POLG: variants seen among roughly 807,000 people sequenced by gnomAD.
The protein encoded by POLG is DNA polymerase subunit gamma-1.
A neutral mutation model predicts 155.4 loss-of-function variants in POLG; 110 were observed. The observed-to-expected ratio is 0.71, with a 90% CI of 0.61 to 0.83. POLG has a LOEUF of 0.83. POLG is among the 40% of genes least tolerant of loss of function. The probability of loss-of-function intolerance (pLI) is 0.00; values close to 1 mark genes in which losing one functional copy is unlikely to be tolerated. For missense variants in POLG, 1,685 were observed against 1,627.5 expected (o/e 1.04, Z -0.61); for synonymous variants, 701 against 631.5 (o/e 1.11, Z -1.65).
intron 6 of POLG, 120 bp downstream of exon 6, chr15:89,328,336 T>C: frequency 1.3e-6 from 1 of 779,500 alleles, no homozygotes; most frequent in East Asian, 2.7e-5. Flanking sequence ...GCTCCATTCT[T>C]TCAGCCTAGA....
At chr15:89,317,778 T>A (rs2055322616) in intron 21 of POLG, 1 of 538,632 alleles carries the variant, frequency 1.9e-6, no homozygotes, top group Admixed American at 3.2e-5. Context: ...TTTTTCCCAG[T>A]TTGGTACACT....
chr15:89,320,151 G>A (rs142670425), intron 18 of POLG, among the ~76,000 whole-genome samples: 4 of 152,290 alleles, frequency 2.6e-5, no homozygotes, highest in East Asian at 1.9e-4. Context: ...AGTTGTTGAC[G>A]AGAAAGTGAA....
intron 6 of POLG, among the ~76,000 whole-genome samples, chr15:89,327,695 C>T (rs1019565281): frequency 5.9e-5 from 9 of 152,142 alleles, no homozygotes; most frequent in Non-Finnish European, 1.3e-4. Context: ...CATGCCTGAA[C>T]CTCACAACTT....
In POLG at chr15:89,318,924, A is replaced by G; in HGVS notation, c.3273+7T>C. 3 of 1,614,088 alleles carry G rather than the reference A, an allele frequency of 1.9e-6. No individual in the cohort carries two copies. Among genetic ancestry groups the G allele is most frequent in the Non-Finnish European group, 2.5e-6 (3 of 1,179,984 alleles). On this transcript the variant is annotated splice_region_variant and intron_variant, in intron 20 of 22. Coordinates refer to ENST00000268124, the MANE Select transcript of POLG (RefSeq NM_002693.3). ...CCTCTGCCCATGCTCCAAAGGTAGC[A>G]AGATACCTCTTCCTGGACAGCCGAG...
In POLG at chr15:89,325,698, C is replaced by A. The variant is rs1057521595; in HGVS notation, c.1713-12G>T. 2 of 1,580,656 alleles carry A rather than the reference C, an allele frequency of 1.3e-6. No individual in the cohort carries two copies. The highest frequency in any genetic ancestry group is 1.7e-6 in the Non-Finnish European group (2 of 1,158,996). ...GCTTCCGGTACCATCTACGTCCCAG[C>A]AGGAAGACAGCAGTGTCACGATGGT... On this transcript the variant is annotated splice_polypyrimidine_tract_variant and intron_variant, in intron 9 of 22. Transcript: ENST00000268124.
intron 17 of POLG, 50 bp from the exon 18 acceptor site, chr15:89,321,062 A>C (rs775997814): frequency 6.2e-7 from 1 of 1,606,722 alleles, no homozygotes; most frequent in Admixed American, 1.7e-5. Context: ...ATTCTGCCCA[A>C]TGTTCATCAG....
rs1347391355 is a variant in POLG, at chr15:89,333,078, A to T, written c.659+18T>A. The stretch of plus-strand genomic sequence containing the variant: ...GGCCCCCATGCCTGCTTATGTCCCC[A>T]ACCCTGCCCCTACTTACCAGGCCGA... On this transcript the variant is annotated intron_variant, in intron 2 of 22. Coordinates refer to ENST00000268124, the MANE Select transcript of POLG (RefSeq NM_002693.3). 1 of 1,508,732 alleles carries T rather than the reference A, an allele frequency of 6.6e-7. No individual in the cohort carries two copies. Among genetic ancestry groups the T allele is most frequent in the Non-Finnish European group, 8.9e-7 (1 of 1,129,170 alleles). 93.5% of individuals were successfully genotyped at this position (1,508,732 alleles called of 1,614,324 possible).
intron 9 of POLG, 38 bp downstream of exon 9, chr15:89,326,574 A>G: frequency 3.7e-6 from 6 of 1,609,668 alleles, no homozygotes; most frequent in Non-Finnish European, 5.1e-6. Flanking sequence ...GAGCAAGGGT[A>G]GACTCTAGAT....
chr15:89,333,443 G>T lies in POLG; in HGVS notation c.312C>A (p.Val104=). The part of the protein sequence containing the change: ...MPGEAAVRRS[V]EHLQKHGLWG... ...AGAGCCCGTGCTTCTGCAGGTGCTC[G>T]ACGCTGCGGCGCACCGCGGCCTCGC... The change falls in exon 2 of 23, where the codon GTC becomes GTA. Residue 104 remains valine (V), a synonymous_variant. Coordinates refer to ENST00000268124, the MANE Select transcript of POLG (RefSeq NM_002693.3). 1.2e-6 allele frequency: 2 copies of T among 1,609,792 alleles called. No homozygotes were observed. Among genetic ancestry groups the T allele is most frequent in the Non-Finnish European group, 8.5e-7 (1 of 1,179,662 alleles).
Position 89,323,899 on chromosome 15 carries a change from T to C in POLG, c.2073A>G (p.Val691=), listed in dbSNP as rs2055434300. 2 of 1,612,596 alleles carry C rather than the reference T, an allele frequency of 1.2e-6. No homozygotes were observed. The highest frequency in any genetic ancestry group is 1.7e-5 in the Admixed American group (1 of 60,032). ...LTDNSAIWQT[V]EELDYLEVEA... ...CCACTTCTAAGTAATCCAGTTCTTC[T>C]ACCTGGAGCAGTCCAAGGACCAAAG... Residue 691 remains valine (V), a splice_region_variant and synonymous_variant, in exon 12 of 23, where the codon GTA becomes GTG. Transcript: ENST00000268124.
rs2055457168 is a variant in POLG at position 89,325,055 on chromosome 15, A to AGT, written c.1949+394_1949+395insAC. Among the ~76,000 whole-genome samples, 11 of 114,454 alleles carry AGT rather than the reference A, an allele frequency of 9.6e-5. 2 individuals are homozygous for AGT. Among genetic ancestry groups the AGT allele is most frequent in the African/African-American group, 4.0e-4 (9 of 22,512 alleles). The allele number at this position is 114,454 out of a possible 152,430, so 75.1% of individuals were successfully genotyped here. A position where few individuals can be genotyped will look rare whatever the true frequency, so the allele number is the denominator to read the frequency against. On this transcript the variant is annotated intron_variant, in intron 10 of 22. Transcript: ENST00000268124. Reference sequence around the variant, plus strand: ...AACCCAGAGAGTGAGTGAGTGAGTGAGAGAGTGAGTGAGTGAGTGAGTGAG... The same window carrying AGT: ...AACCCAGAGAGTGAGTGAGTGAGTGAGTGAGAGTGAGTGAGTGAGTGAGTGAG...
intron 22 of POLG, 199 bp downstream of exon 22, chr15:89,317,177 A>G: frequency 4.8e-6 from 3 of 620,818 alleles, no homozygotes; most frequent in South Asian, 3.9e-5. Flanking sequence ...GAATATTTGA[A>G]GCTCTGCTGC....
chr15:89,328,354 A>C lies in POLG; in HGVS notation c.1250+102T>G, dbSNP rs992051861. On this transcript the variant is annotated intron_variant, in intron 6 of 22. Transcript: ENST00000268124. ...CCATTCTTTCAGCCTAGAAAAGCTA[A>C]GGTCCCCAACCTGAGATAGAACCAG... 1.0e-5 allele frequency: 9 copies of C among 876,972 alleles called. No individual in the cohort carries two copies. In the African/African-American group the frequency reaches 1.5e-4, roughly 15 times the overall value. The allele number at this position is 876,972 out of a possible 1,614,324, so 54.3% of individuals were successfully genotyped here. A position where few individuals can be genotyped will look rare whatever the true frequency, so the allele number is the denominator to read the frequency against.
intron 10 of POLG, among the ~76,000 whole-genome samples, chr15:89,325,086 G>GAGAA: frequency 7.3e-5 from 6 of 81,880 alleles, no homozygotes; most frequent in Admixed American, 1.1e-4. Context: ...GTGAGTGAGA[G>GAGAA]AGTGAGTGAG....
At chr15:89,322,438 G>C (rs1367125347) in intron 14 of POLG, among the ~76,000 whole-genome samples, 2 of 152,178 alleles carry the variant, frequency 1.3e-5, no homozygotes, top group African/African-American at 4.8e-5. Context: ...CCCCAACAGG[G>C]CTTACAGGCC....
At chr15:89,319,378 C>T in intron 18 of POLG, 28 bp from the exon 19 acceptor site, 1 of 1,612,306 alleles carries the variant, frequency 6.2e-7, no homozygotes, top group South Asian at 1.1e-5. Flanking sequence ...ACCATCATTC[C>T]ACGGGAGTGC....
At chr15:89,326,875 CCCCTA>C (rs777442304) in intron 8 of POLG, 32 bp downstream of exon 8, 3 of 1,612,900 alleles carry the variant, frequency 1.9e-6, no homozygotes, top group Non-Finnish European at 1.7e-6. Context: ...CCAGAGACAA[CCCCTA>C]CCCTACCCTA....
In POLG at chr15:89,321,957, C is replaced by G. The variant is rs1229969606; in HGVS notation, c.2480+5G>C. The G allele has an allele frequency of 4.3e-6, 7 of 1,613,876 alleles. No homozygotes were observed. In the Admixed American group the frequency reaches 6.7e-5, roughly 15 times the overall value. On this transcript the variant is annotated splice_donor_5th_base_variant and intron_variant, in intron 15 of 22. Transcript: ENST00000268124. ...CTATCCCTACAACCACTCAGCAGAC[C>G]ATACCTGATCACAGCACGGGGCAGA...
At position 89,330,127 on chromosome 15, in the gene POLG, T is replaced by A; in HGVS notation, c.809A>T (p.Asn270Ile). ...GATATGAGCTCGGTCAAAGGAAACA[T>A]TGTGCCCCACCACTAACTGCTCCTG... The part of the protein sequence containing the change: ...DWQEQLVVGH[N>I]VSFDRAHIRE... Residue 270 changes from asparagine to isoleucine, a missense_variant, in exon 3 of 23, where the codon AAT (asparagine) becomes ATT (isoleucine). Physicochemically the swap from Asn to Ile is moderately radical, Grantham distance 149. Coordinates refer to ENST00000268124, the MANE Select transcript of POLG (RefSeq NM_002693.3). 6.2e-7 allele frequency: 1 copy of A among 1,614,068 alleles called. No individual in the cohort carries two copies. Among genetic ancestry groups the A allele is most frequent in the Non-Finnish European group, 8.5e-7 (1 of 1,180,014 alleles).
Sources: allele counts gnomAD v4.1 joint callset (sites outside exome capture counted in the v4.1 genomes callset), GRCh38; gene constraint gnomAD v4.1.1; transcripts MANE v1.5; gene names NCBI Gene and HGNC (gene_info 2026-07-23, HGNC 2026-07-21).